The following OSBP variants were observed in gnomAD, a reference collection of about 807,000 sequenced individuals.
OSBP encodes the protein oxysterol-binding protein 1.
OSBP carries 32 observed loss-of-function variants against 96.6 expected under a neutral mutation model. The ratio of observed to expected loss-of-function variants is 0.33; its 90% CI spans 0.25 to 0.45. OSBP has a LOEUF of 0.45. OSBP is among the 20% of genes least tolerant of loss of function. OSBP has a pLI of 1.00. For missense variants in OSBP, 653 were observed against 1,029.7 expected, an observed-to-expected ratio of 0.63 and a Z score of 5.01; for synonymous variants, 369 against 389.6, an observed-to-expected ratio of 0.95 and a Z score of 0.62.
In OSBP at chr11:59,575,509, T is replaced by G. The variant is rs1023554874; in HGVS notation, c.*1068A>C. On this transcript the variant is annotated 3_prime_UTR_variant, in exon 14 of 14. Coordinates refer to ENST00000263847, the MANE Select transcript of OSBP (RefSeq NM_002556.3). ...TGGGAAGGAAATCAAACCAAAAAAT[T>G]AGATTTTTCTCTACATATATATAAT... 4 of 152,514 alleles carry G rather than the reference T, an allele frequency of 2.6e-5. No homozygotes were observed. The highest frequency in any genetic ancestry group is 9.7e-5 in the African/African-American group (4 of 41,402). 9.4% of individuals were successfully genotyped at this position (152,514 alleles called of 1,614,324 possible).
At chr11:59,598,288 C>T (rs774724735) in intron 7 of OSBP, among the ~76,000 whole-genome samples, 5 of 152,180 alleles carry the variant, frequency 3.3e-5, no homozygotes, top group East Asian at 1.9e-4. Flanking sequence ...TCACAAGGAA[C>T]GCAGTCTATG....
intron 9 of OSBP, 129 bp downstream of exon 9, chr11:59,593,475 C>T: frequency 2.0e-6 from 2 of 995,334 alleles, no homozygotes; most frequent in East Asian, 2.4e-5. Context: ...CTGCCCAAAG[C>T]CAGTTAGTGA....
chr11:59,604,799 G>A (rs1860760733), intron 3 of OSBP, among the ~76,000 whole-genome samples: 1 of 151,496 alleles, frequency 6.6e-6, no homozygotes. Context: ...AGGCTGCAGT[G>A]AGCTATGATG....
intron 1 of OSBP, among the ~76,000 whole-genome samples, chr11:59,613,235 T>G (rs866135938): frequency 2.0e-5 from 3 of 152,204 alleles, no homozygotes; most frequent in African/African-American, 7.2e-5. Flanking sequence ...ACCACCTAAG[T>G]TGACTAGGGC....
At chr11:59,608,423 G>A (rs1330149021) in intron 3 of OSBP, 61 bp downstream of exon 3, 3 of 1,604,002 alleles carry the variant, frequency 1.9e-6, no homozygotes, top group Non-Finnish European at 2.6e-6. Context: ...GGCATTTGGG[G>A]AGAATTATGT....
At chr11:59,594,873 C>T (rs946421671) in intron 7 of OSBP, among the ~76,000 whole-genome samples, 13 of 152,100 alleles carry the variant, frequency 8.5e-5, no homozygotes, top group African/African-American at 3.1e-4. Context: ...CTTTCTAATT[C>T]TGAAGCCAGC....
chr11:59,601,107 T>C (rs1379067810), intron 5 of OSBP, among the ~76,000 whole-genome samples, 176 bp downstream of exon 5: 1 of 114,440 alleles, frequency 8.7e-6, no homozygotes, highest in Non-Finnish European at 1.7e-5. Flanking sequence ...TACAAAGAGA[T>C]CTTGAGACAA....
intron 5 of OSBP, 56 bp downstream of exon 5, chr11:59,601,227 C>A: frequency 1.0e-6 from 1 of 967,650 alleles, no homozygotes; most frequent in South Asian, 1.3e-5. Flanking sequence ...GCTAAAATAC[C>A]ACCATATTGA....
Position 59,601,673 on chromosome 11 carries a change from C to A in OSBP, c.988G>T (p.Ala330Ser). Residue 330 changes from alanine (A) to serine (S), a missense_variant, in exon 4 of 14, where the codon GCA becomes TCA. This residue lies in a region of OSBP where 308 missense variants were observed against 573.1 expected (regional missense o/e 0.54). Transcript: ENST00000263847. ...GAACCCACATTGCCAGGAGTGTTTG[C>A]CGGCAGCACCGTGGCTCCTCGGAAG... is the stretch of plus-strand genomic sequence containing the variant. ...RAFRGATVLP[A>S]NTPGNVGSGK... 6.2e-7 allele frequency: 1 copy of A among 1,613,032 alleles called. No individual in the cohort carries two copies. Among genetic ancestry groups the A allele is most frequent in the South Asian group, 1.1e-5 (1 of 91,020 alleles).
At chr11:59,607,512 T>C (rs1860795170) in intron 3 of OSBP, among the ~76,000 whole-genome samples, 2 of 152,120 alleles carry the variant, frequency 1.3e-5, no homozygotes, top group Non-Finnish European at 2.9e-5. Context: ...AGAAAAACGA[T>C]ACTTTCCCAT....
At chr11:59,607,656 G>C (rs1415116482) in intron 3 of OSBP, among the ~76,000 whole-genome samples, 4 of 152,106 alleles carry the variant, frequency 2.6e-5, no homozygotes. Flanking sequence ...TTATGCAGAA[G>C]GTAACTAAAA....
chr11:59,579,149 T>C (rs1356569863), intron 11 of OSBP, among the ~76,000 whole-genome samples: 4 of 152,088 alleles, frequency 2.6e-5, no homozygotes, highest in Non-Finnish European at 5.9e-5. Flanking sequence ...TCTCAAGAAA[T>C]TCACAGGGAC....
At chr11:59,587,189 A>G (rs1169068263) in intron 9 of OSBP, among the ~76,000 whole-genome samples, 1 of 152,170 alleles carries the variant, frequency 6.6e-6, no homozygotes, top group Non-Finnish European at 1.5e-5. Flanking sequence ...AAAAAAAGCT[A>G]AAGAACTCAA....
intron 7 of OSBP, among the ~76,000 whole-genome samples, chr11:59,594,572 A>G (rs892122731): frequency 6.6e-6 from 1 of 152,240 alleles, no homozygotes; most frequent in Non-Finnish European, 1.5e-5. Flanking sequence ...TGTTGGATGA[A>G]TAAGTTTTTT....
In OSBP at chr11:59,601,854, G is replaced by A. The variant is rs117208299; in HGVS notation, c.823-16C>T. 6,641 of 1,611,562 alleles carry A rather than the reference G, an allele frequency of 4.1e-3. 23 individuals are homozygous for A. Among genetic ancestry groups the A allele is most frequent in the Non-Finnish European group, 5.1e-3 (5,986 of 1,177,984 alleles). On this transcript the variant is annotated splice_polypyrimidine_tract_variant and intron_variant, in intron 3 of 13. Coordinates refer to ENST00000263847, the MANE Select transcript of OSBP (RefSeq NM_002556.3). ...CTCTGCAGGCCTGTATGGAGAAAGC[G>A]TTGACTGTGTCAGCTCAACTAGTCA...
chr11:59,585,545 G>C (rs1315031832), intron 9 of OSBP, among the ~76,000 whole-genome samples: 3 of 150,850 alleles, frequency 2.0e-5, no homozygotes, highest in East Asian at 4.0e-4. Context: ...AGGGAGGTTG[G>C]GGGGGTCAGC....
chr11:59,580,539 A>G (rs562930841), intron 10 of OSBP, among the ~76,000 whole-genome samples: 10 of 152,226 alleles, frequency 6.6e-5, no homozygotes, highest in Non-Finnish European at 1.5e-4. Flanking sequence ...TGAAGTACAC[A>G]TGATAATTTA....
chr11:59,590,832 C>A (rs1343887581), intron 9 of OSBP, among the ~76,000 whole-genome samples: 1 of 152,208 alleles, frequency 6.6e-6, no homozygotes, highest in Non-Finnish European at 1.5e-5. Context: ...GCCTTCCAAG[C>A]CACTGAGCCA....
chr11:59,606,386 T>A, intron 3 of OSBP, among the ~76,000 whole-genome samples: 1 of 148,812 alleles, frequency 6.7e-6, no homozygotes. Flanking sequence ...TGCAGCAACA[T>A]GAATGCAACT....
Sources: allele counts gnomAD v4.1 joint callset (sites outside exome capture counted in the v4.1 genomes callset), GRCh38; gene constraint gnomAD v4.1.1; regional missense constraint gnomAD v4.1.1; transcripts MANE v1.5; gene names NCBI Gene and HGNC (gene_info 2026-07-23, HGNC 2026-07-21).